The following SYTL3 variants were observed in gnomAD, a reference collection of about 807,000 sequenced individuals.
SYTL3 encodes synaptotagmin like 3.
In SYTL3, 88 loss-of-function variants were observed where a neutral mutation model predicts 82.1. The ratio of observed to expected loss-of-function variants is 1.07; its 90% CI spans 0.90 to 1.28. The LOEUF (loss-of-function observed/expected upper bound fraction) is 1.28. Among genes scored for constraint, SYTL3 ranks in the 50% most tolerant of loss-of-function variants. SYTL3 has a pLI of 0.00. For missense variants in SYTL3, 831 were observed against 757.6 expected, an observed-to-expected ratio of 1.10 and a Z score of -1.14; for synonymous variants, 311 against 289.4, an observed-to-expected ratio of 1.07 and a Z score of -0.76.
chr6:158,708,966 C>A (rs1040430183), intron 8 of SYTL3, among the ~76,000 whole-genome samples: 5 of 152,190 alleles, frequency 3.3e-5, no homozygotes, highest in African/African-American at 1.2e-4. Context: ...ATATATTTAG[C>A]TAGGCGCGGT....
chr6:158,684,415 C>A (rs913517999), intron 6 of SYTL3, among the ~76,000 whole-genome samples: 15 of 152,104 alleles, frequency 9.9e-5, no homozygotes, highest in African/African-American at 2.7e-4. Flanking sequence ...GGACCTGGAA[C>A]TGTGGAGAGA....
intron 6 of SYTL3, among the ~76,000 whole-genome samples, chr6:158,692,257 CAAAAAAAAAAAAAAAAAAAAAAAA>C (rs571381475): frequency 3.1e-5 from 1 of 32,186 alleles, no homozygotes; most frequent in Admixed American, 7.1e-4. Flanking sequence ...GACTCCGTCT[CAAAAAAAAAAAAAAAAAAAAAAAA>C]AAAAAAAAAA....
rs1017197749 is a variant in SYTL3, at chr6:158,691,916, G to T, written c.394+8927G>T. On this transcript the variant is annotated intron_variant, in intron 6 of 17. Coordinates refer to ENST00000611299, the MANE Select transcript of SYTL3 (RefSeq NM_001242394.2). Reference sequence around the variant, plus strand: ...TCGGCCCGCCTCGGCCTCCCAAAGTGCTGGGATTACAGGCGTGAGCCACCG... The same window carrying T: ...TCGGCCCGCCTCGGCCTCCCAAAGTTCTGGGATTACAGGCGTGAGCCACCG... Among the ~76,000 whole-genome samples the T allele has an allele frequency of 5.4e-5, 8 of 149,142 alleles. No individual in the cohort carries two copies. In the East Asian group the frequency reaches 8.1e-4, roughly 15 times the overall value.
intron 11 of SYTL3, among the ~76,000 whole-genome samples, chr6:158,737,781 T>A (rs1786395532): frequency 1.3e-5 from 2 of 152,202 alleles, no homozygotes; most frequent in South Asian, 4.1e-4. Context: ...ACGCATTTGA[T>A]GGATGGACGT....
At chr6:158,754,213 G>A (rs1788780240) in intron 13 of SYTL3, among the ~76,000 whole-genome samples, 2 of 152,156 alleles carry the variant, frequency 1.3e-5, no homozygotes, top group South Asian at 4.1e-4. Flanking sequence ...TCTGAGCAGA[G>A]TACTTCTTGG....
chr6:158,727,174 T>G (rs1190315225), intron 11 of SYTL3, among the ~76,000 whole-genome samples: 1 of 150,708 alleles, frequency 6.6e-6, no homozygotes, highest in African/African-American at 2.4e-5. Flanking sequence ...TTAATTTTAT[T>G]TATTTATTTA....
chr6:158,677,686 C>G (rs1326826569), intron 5 of SYTL3, among the ~76,000 whole-genome samples: 4 of 54,724 alleles, frequency 7.3e-5, no homozygotes, highest in Admixed American at 5.8e-4. Context: ...GCCTGGGTGA[C>G]AAGAATGAAA....
intron 11 of SYTL3, among the ~76,000 whole-genome samples, chr6:158,739,361 C>G (rs1211604780): frequency 6.6e-6 from 1 of 151,914 alleles, no homozygotes; most frequent in African/African-American, 2.4e-5. Flanking sequence ...TTCTCTTTGT[C>G]TTTGATTTTA....
chr6:158,733,062 T>G (rs1785624055), intron 11 of SYTL3, among the ~76,000 whole-genome samples: 1 of 151,764 alleles, frequency 6.6e-6, no homozygotes, highest in South Asian at 2.1e-4. Context: ...AAATAATAAT[T>G]TCTTTTAAAA....
intron 6 of SYTL3, among the ~76,000 whole-genome samples, chr6:158,696,699 T>A (rs112523518): frequency 0.021 from 3,251 of 152,132 alleles, 62 homozygotes; most frequent in South Asian, 0.051. Flanking sequence ...CCTTTTTTTT[T>A]AATTGGATTG....
intron 6 of SYTL3, among the ~76,000 whole-genome samples, chr6:158,685,217 T>TC (rs1491425028): frequency 0.019 from 2,088 of 111,002 alleles, 26 homozygotes; most frequent in African/African-American, 0.064. Flanking sequence ...TCTCTCTCTC[T>TC]TTTTTTTTTT....
At position 158,764,490 on chromosome 6, in the gene SYTL3, T is replaced by A. The variant is rs200595879; in HGVS notation, c.1724-5T>A. ...CCATGGCTAAATTGTCTTCCTCTCT[T>A]ACAGAGGGAGACACAGCTGTTGGCG... is the stretch of plus-strand genomic sequence containing the variant. On this transcript the variant is annotated splice_polypyrimidine_tract_variant and splice_region_variant and intron_variant, in intron 17 of 17. Transcript: ENST00000611299. The A allele has an allele frequency of 4.5e-5, 72 of 1,607,556 alleles. No homozygotes were observed. Among genetic ancestry groups the A allele is most frequent in the Admixed American group, 4.0e-4 (24 of 60,000 alleles).
At chr6:158,746,011 C>T (rs571263907) in intron 12 of SYTL3, among the ~76,000 whole-genome samples, 7 of 152,152 alleles carry the variant, frequency 4.6e-5, no homozygotes, top group South Asian at 2.1e-4. Flanking sequence ...GCTGGGAAGT[C>T]GAAGCTCAAG....
intron 6 of SYTL3, among the ~76,000 whole-genome samples, chr6:158,687,853 C>G (rs78450635): frequency 6.6e-6 from 1 of 152,294 alleles, no homozygotes; most frequent in African/African-American, 2.4e-5. Context: ...GCAAACCTTG[C>G]AAGCATTTGG....
chr6:158,764,813 T>TATC lies in SYTL3; in HGVS notation c.*210_*212dup. ...TATGTTACCTAAGCCTCTGGTGGGT[T>TATC]ATCTCCTCTTTGAGATGTAGAAAAT... On this transcript the variant is annotated 3_prime_UTR_variant, in exon 18 of 18. Transcript: ENST00000611299. The TATC allele has an allele frequency of 2.2e-6, 1 of 451,370 alleles. No homozygotes were observed. The highest frequency in any genetic ancestry group is 4.5e-5 in the South Asian group (1 of 22,076). 28.0% of individuals were successfully genotyped at this position (451,370 alleles called of 1,614,324 possible).
Position 158,661,297 on chromosome 6 carries a change from T to C in SYTL3, c.-608T>C, listed in dbSNP as rs1789351425. ...CTCAGAGCCTTGGGGCACTGAGGGA[T>C]GCCAGTTCTGCCTGTTCATCTGGAA... On this transcript the variant is annotated 5_prime_UTR_variant, in exon 3 of 18. An upstream start codon of the reference 5' UTR is lost. Transcript: ENST00000611299. 6.6e-6 allele frequency: 1 copy of C among 152,232 alleles called. No individual in the cohort carries two copies. Among genetic ancestry groups the C allele is most frequent in the Admixed American group, 6.5e-5 (1 of 15,288 alleles). 9.4% of individuals were successfully genotyped at this position (152,232 alleles called of 1,614,324 possible). A position where few individuals can be genotyped will look rare whatever the true frequency, so the allele number is the denominator to read the frequency against.
chr6:158,733,939 T>C (rs1463860480), intron 11 of SYTL3, among the ~76,000 whole-genome samples: 9 of 150,792 alleles, frequency 6.0e-5, no homozygotes, highest in Admixed American at 5.9e-4. Flanking sequence ...CTACTAAAAA[T>C]ACAAAAAAAT....
At chr6:158,761,872 C>A (rs528368265) in intron 15 of SYTL3, among the ~76,000 whole-genome samples, 1 of 152,324 alleles carries the variant, frequency 6.6e-6, no homozygotes, top group South Asian at 2.1e-4. Flanking sequence ...TGTCCTCCAC[C>A]TGACCACAGA....
intron 9 of SYTL3, among the ~76,000 whole-genome samples, chr6:158,715,201 T>C (rs1011972453): frequency 6.6e-6 from 1 of 152,142 alleles, no homozygotes; most frequent in Non-Finnish European, 1.5e-5. Flanking sequence ...CTTCCCTGTA[T>C]GTCTTTCTAG....
Sources: gnomAD v4.1 joint callset for allele counts (sites outside exome capture counted in the v4.1 genomes callset) on GRCh38, gnomAD v4.1.1 for gene constraint, MANE v1.5 for transcripts, NCBI Gene and HGNC (gene_info 2026-07-23, HGNC 2026-07-21) for gene names.